Variants in ZFP30 observed in about 807,000 individuals in gnomAD.
ZFP30 encodes the protein zinc finger protein 30 homolog.
ZFP30 carries 16 observed loss-of-function variants against 12.3 expected under a neutral mutation model. The ratio of observed to expected loss-of-function variants is 1.30; its 90% confidence interval spans 0.88 to 1.98. ZFP30 has a LOEUF of 1.98. Among genes scored for constraint, ZFP30 ranks in the 30% most tolerant of loss-of-function variants. The probability of loss-of-function intolerance (pLI) is 0.00; values close to 1 mark genes in which losing one functional copy is unlikely to be tolerated. For missense variants in ZFP30, 560 were observed against 611.2 expected, an observed-to-expected ratio of 0.92 and a Z score of 0.88; for synonymous variants, 172 against 201.0, an observed-to-expected ratio of 0.86 and a Z score of 1.22.
rs60890146 is a variant in ZFP30 at position 37,633,170 on chromosome 19, C to CA, written c.*1810dup. 31,005 of 79,810 alleles carry CA rather than the reference C, an allele frequency of 0.39. 5,254 individuals carry two copies. The highest frequency in any genetic ancestry group is 0.49 in the Non-Finnish European group (21,319 of 43,868). 4.9% of individuals were successfully genotyped at this position (79,810 alleles called of 1,614,324 possible). A position where few individuals can be genotyped will look rare whatever the true frequency, so the allele number is the denominator to read the frequency against. ...TGGGCGAAAGAGCGAGACTCCGTCT[C>CA]AAAAAAAAAAAAAAAAAAGGTGCAT... On this transcript the variant is annotated 3_prime_UTR_variant, in exon 6 of 6. Coordinates refer to ENST00000684514, the MANE Select transcript of ZFP30 (RefSeq NM_001320669.3).
Position 37,647,835 on chromosome 19 carries a change from G to T in ZFP30, c.-13C>A. On this transcript the variant is annotated 5_prime_UTR_variant, in exon 3 of 6. Transcript: ENST00000684514. ...TTACACGAGCCATGATTTTAGAACT[G>T]CTAGAACTGGTCAATTTTCCTCAAG... 1 of 1,614,112 alleles carries T rather than the reference G, an allele frequency of 6.2e-7. No homozygotes were observed. Among genetic ancestry groups the T allele is most frequent in the Non-Finnish European group, 8.5e-7 (1 of 1,179,988 alleles).
In ZFP30 at chr19:37,634,483, T is replaced by G. The variant is rs1177264402; in HGVS notation, c.*498A>C. On this transcript the variant is annotated 3_prime_UTR_variant, in exon 6 of 6. Coordinates refer to ENST00000684514, the MANE Select transcript of ZFP30 (RefSeq NM_001320669.3). ...CATGCCTAGATCCATTATTTCATTA[T>G]GTGTTACACAATAGTTTTTCTAATA... is the stretch of plus-strand genomic sequence containing the variant. 4 of 152,788 alleles carry G rather than the reference T, an allele frequency of 2.6e-5. No homozygotes were observed. The highest frequency in any genetic ancestry group is 9.6e-5 in the African/African-American group (4 of 41,476). 9.5% of individuals were successfully genotyped at this position (152,788 alleles called of 1,614,324 possible).
At chr19:37,637,712 T>C (rs551153670) in intron 5 of ZFP30, among the ~76,000 whole-genome samples, 3 of 152,248 alleles carry the variant, frequency 2.0e-5, no homozygotes, top group East Asian at 3.9e-4. Context: ...GATCTCGAAC[T>C]CCTGTCCTCA....
chr19:37,656,215 G>T (rs2044752553), upstream of ZFP30: 1 of 152,512 alleles, frequency 6.6e-6, no homozygotes, highest in African/African-American at 2.4e-5. Context: ...TTAGGATGGT[G>T]CCGCAGAGAA....
At chr19:37,649,823 TAA>T (rs199505270) in intron 2 of ZFP30, among the ~76,000 whole-genome samples, 1 of 115,768 alleles carries the variant, frequency 8.6e-6, no homozygotes, top group African/African-American at 3.3e-5. Flanking sequence ...TACCCCGTCT[TAA>T]AAAAAAAAGA....
At chr19:37,641,506 T>C (rs1033454981) in intron 5 of ZFP30, among the ~76,000 whole-genome samples, 4 of 152,106 alleles carry the variant, frequency 2.6e-5, no homozygotes, top group Non-Finnish European at 5.9e-5. Context: ...CATAATAATA[T>C]CTCCATGTAT....
At chr19:37,655,695 C>G (rs2044745489), upstream of ZFP30, 2 of 152,184 alleles carry the variant, frequency 1.3e-5, no homozygotes, top group South Asian at 4.1e-4. Flanking sequence ...GGCCTGCTCC[C>G]CTGTGGACAC....
intron 4 of ZFP30, among the ~76,000 whole-genome samples, chr19:37,643,781 AT>A (rs1020121986): frequency 1.4e-4 from 21 of 150,636 alleles, no homozygotes; most frequent in South Asian, 4.2e-4. Context: ...CTATTTTTTG[AT>A]TTTTTTTTTA....
At chr19:37,649,479 G>A (rs965413753) in intron 2 of ZFP30, among the ~76,000 whole-genome samples, 1 of 152,088 alleles carries the variant, frequency 6.6e-6, no homozygotes. Context: ...AAAAAAGCTG[G>A]AAAGAACCTA....
intron 2 of ZFP30, among the ~76,000 whole-genome samples, chr19:37,650,484 G>T (rs968770799): frequency 1.3e-5 from 2 of 152,074 alleles, no homozygotes; most frequent in Admixed American, 1.3e-4. Context: ...ATCACAAAAA[G>T]CTCCAACAGT....
intron 3 of ZFP30, among the ~76,000 whole-genome samples, chr19:37,645,844 T>G (rs2044533433): frequency 6.6e-6 from 1 of 152,148 alleles, no homozygotes; most frequent in African/African-American, 2.4e-5. Flanking sequence ...GCATAAAACT[T>G]AAAAATGTCT....
At position 37,635,317 on chromosome 19, in the gene ZFP30, T is replaced by A. The variant is rs2044298783; in HGVS notation, c.1224A>T (p.Lys408Asn). ...ISHQGIHIGE[K>N]PYECKECGKA... ...TCCCACATTCCTTACATTCATAAGG[T>A]TTCTCTCCAATGTGAATACCCTGAT... Residue 408 changes from lysine (K) to asparagine (N), a missense_variant, in exon 6 of 6, where the codon AAA (lysine) becomes AAT (asparagine). Physicochemically the swap from Lys to Asn is moderately conservative, Grantham distance 94. Coordinates refer to ENST00000684514, the MANE Select transcript of ZFP30 (RefSeq NM_001320669.3). 1.2e-6 allele frequency: 2 copies of A among 1,613,604 alleles called. No homozygotes were observed. Among genetic ancestry groups the A allele is most frequent in the Non-Finnish European group, 1.7e-6 (2 of 1,179,848 alleles).
intron 2 of ZFP30, among the ~76,000 whole-genome samples, chr19:37,653,306 G>A (rs73932928): frequency 0.029 from 4,481 of 152,106 alleles, 236 homozygotes; most frequent in African/African-American, 0.1. Context: ...TTTCCAAAGT[G>A]ATTAAGAGCC....
intron 5 of ZFP30, among the ~76,000 whole-genome samples, chr19:37,639,767 A>G (rs1391538947): frequency 1.3e-5 from 2 of 149,322 alleles, no homozygotes; most frequent in Non-Finnish European, 3.0e-5. Context: ...ATAGGTTGTA[A>G]AATTTATCCT....
At chr19:37,648,553 C>T (rs1177731360) in intron 2 of ZFP30, among the ~76,000 whole-genome samples, 3 of 152,066 alleles carry the variant, frequency 2.0e-5, no homozygotes, top group Non-Finnish European at 4.4e-5. Context: ...CTTTAGTATG[C>T]ATCAGAATCA....
intron 3 of ZFP30, among the ~76,000 whole-genome samples, chr19:37,645,022 A>G (rs2044513797): frequency 6.6e-6 from 1 of 151,934 alleles, no homozygotes; most frequent in Non-Finnish European, 1.5e-5. Context: ...TGGCCAACAT[A>G]GTGAAACCCC....
At chr19:37,647,197 C>T (rs2044560069) in intron 3 of ZFP30, among the ~76,000 whole-genome samples, 1 of 152,164 alleles carries the variant, frequency 6.6e-6, no homozygotes, top group Admixed American at 6.5e-5. Flanking sequence ...TCTGCCCCAT[C>T]TCTGCTCTAG....
At chr19:37,646,224 C>T (rs1462089551) in intron 3 of ZFP30, among the ~76,000 whole-genome samples, 1 of 152,142 alleles carries the variant, frequency 6.6e-6, no homozygotes, top group African/African-American at 2.4e-5. Context: ...GGTTTTGAGG[C>T]ATCCACTGGG....
Position 37,647,947 on chromosome 19 carries a change from T to C in ZFP30, c.-77-48A>G. On this transcript the variant is annotated intron_variant, in intron 2 of 5. Coordinates refer to ENST00000684514, the MANE Select transcript of ZFP30 (RefSeq NM_001320669.3). ...CATGAGAAGAGAACTGCCTCAGAGT[T>C]TCCAAATTTTAAAAACTGGTACTAC... 5.2e-6 allele frequency: 6 copies of C among 1,144,174 alleles called. No homozygotes were observed. In the South Asian group the frequency reaches 8.4e-5, roughly 16 times the overall value. 70.9% of individuals were successfully genotyped at this position (1,144,174 alleles called of 1,614,324 possible). A position where few individuals can be genotyped will look rare whatever the true frequency, so the allele number is the denominator to read the frequency against.
Sources: allele counts gnomAD v4.1 joint callset (sites outside exome capture counted in the v4.1 genomes callset), GRCh38; gene constraint gnomAD v4.1.1; transcripts MANE v1.5; gene names NCBI Gene and HGNC (gene_info 2026-07-23, HGNC 2026-07-21).